The following CSMD1 variants were observed in gnomAD, a reference collection of about 807,000 sequenced individuals.
CSMD1 encodes CUB and Sushi multiple domains 1, also known as CUB and sushi domain-containing protein 1.
Under a neutral mutation model 417.5 loss-of-function variants are expected in CSMD1, and 213 were observed. That is an observed-to-expected ratio of 0.51 (90% confidence interval 0.46 to 0.57). The LOEUF is 0.57. Ranked by LOEUF, CSMD1 falls within the 20% of genes least tolerant of loss-of-function variation. CSMD1 has a pLI of 0.00. For synonymous variants in CSMD1, 2,862 were observed against 1,736.8 expected, an observed-to-expected ratio of 1.65 and a Z score of -16.11; for missense variants, 6,923 against 4,529.7, an observed-to-expected ratio of 1.53 and a Z score of -15.17.
intron 23 of CSMD1, among the ~76,000 whole-genome samples, chr8:3,309,120 A>T (rs1405111130): frequency 6.8e-6 from 1 of 146,532 alleles, no homozygotes; most frequent in East Asian, 1.9e-4. Flanking sequence ...AATGCCCTCT[A>T]GGACCTCTAG....
chr8:4,532,055 A>C (rs1417222705), intron 2 of CSMD1, among the ~76,000 whole-genome samples: 2 of 149,230 alleles, frequency 1.3e-5, no homozygotes, highest in African/African-American at 2.5e-5. Context: ...CACTCCGGAA[A>C]ATAAATCCCG....
At chr8:3,025,717 C>T (rs142572422) in intron 51 of CSMD1, among the ~76,000 whole-genome samples, 41 of 152,316 alleles carry the variant, frequency 2.7e-4, no homozygotes, top group African/African-American at 9.9e-4. Flanking sequence ...TTAAGCCACA[C>T]ATTAAGGGGC....
intron 1 of CSMD1, among the ~76,000 whole-genome samples, chr8:4,796,407 T>C (rs554235205): frequency 6.6e-6 from 1 of 152,196 alleles, no homozygotes; most frequent in East Asian, 1.9e-4. Context: ...GGCATTTACT[T>C]TAGGAAACTT....
intron 3 of CSMD1, among the ~76,000 whole-genome samples, chr8:4,380,239 T>C (rs553709835): frequency 1.3e-5 from 2 of 152,244 alleles, no homozygotes; most frequent in Non-Finnish European, 2.9e-5. Context: ...CAGAGTAACC[T>C]TGCAGTGGAC....
At chr8:4,713,801 G>A (rs1808468686) in intron 1 of CSMD1, among the ~76,000 whole-genome samples, 1 of 152,158 alleles carries the variant, frequency 6.6e-6, no homozygotes, top group South Asian at 2.1e-4. Flanking sequence ...CTAGGAGGGT[G>A]TCATTCTAAT....
chr8:3,308,383 T>C lies in CSMD1; in HGVS notation c.3752A>G (p.His1251Arg), dbSNP rs1805054375. ...LYSCNPGYAM[H>R]GSNTLTCLSG... Reference sequence around the variant, plus strand: ...CAAACAGGTCAGGGTGTTGCTGCCATGCATGGCGTACCCCGGGTTGCAACT... The same window carrying C: ...CAAACAGGTCAGGGTGTTGCTGCCACGCATGGCGTACCCCGGGTTGCAACT... The change falls in exon 24 of 70, where the codon CAT becomes CGT. Residue 1251 changes from histidine (H) to arginine (R), a missense_variant. Physicochemically the swap from His to Arg is conservative, Grantham distance 29 (BLOSUM62 0). Coordinates refer to ENST00000635120, the MANE Select transcript of CSMD1 (RefSeq NM_033225.6). 3.1e-6 allele frequency: 5 copies of C among 1,613,882 alleles called. No individual in the cohort carries two copies. Among genetic ancestry groups the C allele is most frequent in the East Asian group, 2.2e-5 (1 of 44,850 alleles).
At chr8:2,960,148 A>G (rs1046983128) in intron 62 of CSMD1, among the ~76,000 whole-genome samples, 1 of 152,250 alleles carries the variant, frequency 6.6e-6, no homozygotes, top group Non-Finnish European at 1.5e-5. Flanking sequence ...ACATCCATAT[A>G]TAGTATTTTC....
chr8:3,856,645 A>T (rs1474234975), intron 5 of CSMD1, among the ~76,000 whole-genome samples: 1 of 152,186 alleles, frequency 6.6e-6, no homozygotes, highest in African/African-American at 2.4e-5. Context: ...GCAGCAGTAA[A>T]CGTTTGCACC....
intron 1 of CSMD1, among the ~76,000 whole-genome samples, chr8:4,753,339 T>C (rs1338610120): frequency 2.0e-5 from 3 of 151,992 alleles, no homozygotes; most frequent in East Asian, 3.9e-4. Context: ...GCTAGCACTG[T>C]CTGCTTTCAT....
At chr8:4,288,271 G>A (rs1797170555) in intron 3 of CSMD1, among the ~76,000 whole-genome samples, 2 of 152,194 alleles carry the variant, frequency 1.3e-5, no homozygotes, top group African/African-American at 4.8e-5. Context: ...GCCCCCACTG[G>A]GAACAGTAAG....
intron 3 of CSMD1, among the ~76,000 whole-genome samples, chr8:4,216,066 A>C (rs1162855863): frequency 6.6e-6 from 1 of 152,180 alleles, no homozygotes; most frequent in Admixed American, 6.5e-5. Flanking sequence ...TATGGGAAGA[A>C]AGGGAGGTCA....
At chr8:4,379,027 A>T (rs761897042) in intron 3 of CSMD1, among the ~76,000 whole-genome samples, 44 of 152,178 alleles carry the variant, frequency 2.9e-4, no homozygotes, top group Non-Finnish European at 5.3e-4. Flanking sequence ...CTTCTTCAAA[A>T]TATCCATTAA....
At chr8:4,538,082 T>C (rs1017410293) in intron 2 of CSMD1, among the ~76,000 whole-genome samples, 1 of 152,180 alleles carries the variant, frequency 6.6e-6, no homozygotes, top group Non-Finnish European at 1.5e-5. Context: ...TGGAGACATT[T>C]TCTTGCTAGG....
chr8:4,539,688 G>C (rs904015655), intron 2 of CSMD1, among the ~76,000 whole-genome samples: 5 of 152,148 alleles, frequency 3.3e-5, no homozygotes, highest in African/African-American at 1.2e-4. Flanking sequence ...GATTATAGTA[G>C]GGGAAAATAT....
At chr8:4,500,994 C>G (rs1027371853) in intron 2 of CSMD1, among the ~76,000 whole-genome samples, 1 of 151,868 alleles carries the variant, frequency 6.6e-6, no homozygotes, top group Non-Finnish European at 1.5e-5. Context: ...TGATGATGTC[C>G]AAATGGAAGT....
intron 3 of CSMD1, among the ~76,000 whole-genome samples, chr8:4,186,119 G>C (rs981718115): frequency 2.0e-5 from 3 of 152,166 alleles, no homozygotes; most frequent in Non-Finnish European, 4.4e-5. Context: ...ATGCCAGGCT[G>C]TCACCAACGA....
chr8:3,940,105 C>T (rs942078069), intron 5 of CSMD1, among the ~76,000 whole-genome samples: 26 of 152,112 alleles, frequency 1.7e-4, no homozygotes, highest in Non-Finnish European at 1.5e-5. Context: ...ACGCCTTACA[C>T]ATTTTCTTTT....
intron 41 of CSMD1, among the ~76,000 whole-genome samples, chr8:3,135,309 C>T (rs1361264945): frequency 6.6e-6 from 1 of 152,232 alleles, no homozygotes; most frequent in East Asian, 1.9e-4. Flanking sequence ...ACAAATACTT[C>T]ATTTACATAG....
intron 46 of CSMD1, among the ~76,000 whole-genome samples, chr8:3,098,727 G>T (rs1032043263): frequency 6.6e-6 from 1 of 152,078 alleles, no homozygotes; most frequent in African/African-American, 2.4e-5. Flanking sequence ...ATTAGGGTCC[G>T]TGCCTGTGTA....
Sources: gnomAD v4.1 joint callset for allele counts (sites outside exome capture counted in the v4.1 genomes callset) on GRCh38, gnomAD v4.1.1 for gene constraint, MANE v1.5 for transcripts, NCBI Gene and HGNC (gene_info 2026-07-23, HGNC 2026-07-21) for gene names.